Variants in SV2C observed in about 807,000 individuals in gnomAD.
SV2C encodes solute carrier family 22 member B3.
In SV2C, 49 loss-of-function variants were observed where a neutral mutation model predicts 79.7. The observed-to-expected ratio is 0.61, with a 90% CI of 0.49 to 0.78. SV2C has a LOEUF of 0.78. Ranked by LOEUF, SV2C falls within the 30% of genes least tolerant of loss-of-function variation. The probability of loss-of-function intolerance (pLI) is 0.00; values close to 1 mark genes in which losing one functional copy is unlikely to be tolerated. For missense variants in SV2C, 833 were observed against 912.9 expected, an observed-to-expected ratio of 0.91 and a Z score of 1.13; for synonymous variants, 334 against 333.2, an observed-to-expected ratio of 1.00 and a Z score of -0.03.
the SV2C span, among the ~76,000 whole-genome samples, chr5:75,959,574 G>A: frequency 2.6e-5 from 4 of 151,948 alleles, no homozygotes; most frequent in Admixed American, 2.6e-4. Context: ...GCACATGTGT[G>A]CACACATATA....
the SV2C span, among the ~76,000 whole-genome samples, chr5:75,915,232 A>G: frequency 6.7e-3 from 1,021 of 152,282 alleles, 6 homozygotes; most frequent in African/African-American, 0.023. Context: ...CCCTTGCTCA[A>G]GGTCACAACT....
At chr5:75,905,239 G>T in the SV2C span, among the ~76,000 whole-genome samples, 1 of 152,030 alleles carries the variant, frequency 6.6e-6, no homozygotes, top group African/African-American at 2.4e-5. Flanking sequence ...TTTTTCATTT[G>T]CTTCCATCCA....
intron 2 of SV2C, among the ~76,000 whole-genome samples, chr5:76,188,532 T>C (rs978196464): frequency 6.6e-6 from 1 of 152,134 alleles, no homozygotes; most frequent in African/African-American, 2.4e-5. Flanking sequence ...TTCAGAGTGG[T>C]AAATGGTAGT....
At chr5:76,036,998 T>C in the SV2C span, among the ~76,000 whole-genome samples, 2 of 152,242 alleles carry the variant, frequency 1.3e-5, no homozygotes, top group Non-Finnish European at 2.9e-5. Flanking sequence ...ATTCATTTCA[T>C]CTTCCATCAC....
chr5:75,945,327 T>C, the SV2C span, among the ~76,000 whole-genome samples: 5 of 151,572 alleles, frequency 3.3e-5, no homozygotes, highest in African/African-American at 4.8e-5. Flanking sequence ...CTCTCTCTCT[T>C]TTTTTTTGAC....
the SV2C span, among the ~76,000 whole-genome samples, chr5:75,867,170 T>G: frequency 6.6e-6 from 1 of 152,158 alleles, no homozygotes; most frequent in South Asian, 2.1e-4. Flanking sequence ...GAGAGGAGAC[T>G]AAGGATTGGG....
chr5:76,325,756 C>T lies in SV2C; in HGVS notation c.*209C>T, dbSNP rs1329527642. 3.1e-6 allele frequency: 2 copies of T among 637,642 alleles called. No homozygotes were observed. Among genetic ancestry groups the T allele is most frequent in the African/African-American group, 1.9e-5 (1 of 53,964 alleles). The allele number at this position is 637,642 out of a possible 1,614,324, so 39.5% of individuals were successfully genotyped here. A position where few individuals can be genotyped will look rare whatever the true frequency, so the allele number is the denominator to read the frequency against. On this transcript the variant is annotated 3_prime_UTR_variant, in exon 13 of 13. Transcript: ENST00000502798. ...TTGTTTGTTTTGTTTTGTTTGAATGCATTGTTATCTTTCCAAACTGTGATG... is the reference window on the plus strand; with the variant it reads ...TTGTTTGTTTTGTTTTGTTTGAATGTATTGTTATCTTTCCAAACTGTGATG...
the SV2C span, among the ~76,000 whole-genome samples, chr5:76,028,045 T>C: frequency 1.3e-5 from 2 of 152,226 alleles, no homozygotes; most frequent in Admixed American, 6.5e-5. Context: ...ATTCTCCTCT[T>C]TGATACTCTA....
the SV2C span, among the ~76,000 whole-genome samples, chr5:75,942,620 G>A: frequency 2.0e-5 from 3 of 152,226 alleles, no homozygotes; most frequent in East Asian, 1.9e-4. Context: ...AGCTAGACTC[G>A]AATCTGTGTC....
At chr5:75,911,218 T>A in the SV2C span, 5 of 1,579,020 alleles carry the variant, frequency 3.2e-6, no homozygotes, top group Admixed American at 8.4e-5. Flanking sequence ...GGCCCAGCCC[T>A]CTCCTACCAT....
At chr5:75,897,786 C>A in the SV2C span, among the ~76,000 whole-genome samples, 2 of 151,836 alleles carry the variant, frequency 1.3e-5, no homozygotes, top group Non-Finnish European at 2.9e-5. Flanking sequence ...TCCTTCACGT[C>A]CCTTGTAAGT....
In SV2C at chr5:76,188,619, T is replaced by A. The variant is rs201253641; in HGVS notation, c.581-6300T>A. On this transcript the variant is annotated intron_variant, in intron 2 of 12. Transcript: ENST00000502798. ...TTTCCCCCATCTTAACCCCCATTAC[T>A]TTAATAATGGATTCACTTCTCAGCA... Among the ~76,000 whole-genome samples the A allele has an allele frequency of 2.6e-5, 4 of 152,234 alleles. No homozygotes were observed. The East Asian group carries it at 7.7e-4, about 29-fold the overall frequency.
the SV2C span, among the ~76,000 whole-genome samples, chr5:76,036,162 G>A: frequency 6.6e-6 from 1 of 151,838 alleles, no homozygotes; most frequent in Non-Finnish European, 1.5e-5. Flanking sequence ...TGGGTTTCCT[G>A]AATACAGCAC....
the SV2C span, among the ~76,000 whole-genome samples, chr5:76,043,680 G>A: frequency 2.0e-5 from 3 of 152,152 alleles, no homozygotes; most frequent in Non-Finnish European, 4.4e-5. Context: ...GAAGCCAAGT[G>A]CCACAGAGTG....
the SV2C span, among the ~76,000 whole-genome samples, chr5:75,881,906 C>T: frequency 2.2e-4 from 33 of 146,772 alleles, no homozygotes; most frequent in Non-Finnish European, 4.3e-4. Flanking sequence ...CCAGTTTTTG[C>T]CCATTCAGTA....
the SV2C span, among the ~76,000 whole-genome samples, chr5:75,906,633 GTC>G: frequency 2.0e-5 from 3 of 152,068 alleles, no homozygotes; most frequent in Non-Finnish European, 4.4e-5. Context: ...ATATTATTAG[GTC>G]TCTTTCTCCA....
chr5:75,965,500 ACT>A, the SV2C span, among the ~76,000 whole-genome samples: 2 of 150,660 alleles, frequency 1.3e-5, no homozygotes, highest in Non-Finnish European at 2.9e-5. Context: ...GTGAAAAGAC[ACT>A]CTCTCTTAAC....
chr5:76,073,718 A>G, the SV2C span, among the ~76,000 whole-genome samples: 1 of 151,594 alleles, frequency 6.6e-6, no homozygotes, highest in East Asian at 1.9e-4. Context: ...AAGGCATAAG[A>G]ATGATACAAT....
chr5:76,021,337 T>C, the SV2C span, among the ~76,000 whole-genome samples: 3 of 152,226 alleles, frequency 2.0e-5, no homozygotes, highest in Non-Finnish European at 4.4e-5. Flanking sequence ...ATTATATAAA[T>C]TTAAAGCAAC....
Sources: gnomAD v4.1 joint callset for allele counts (sites outside exome capture counted in the v4.1 genomes callset) on GRCh38, gnomAD v4.1.1 for gene constraint, MANE v1.5 for transcripts, NCBI Gene and HGNC (gene_info 2026-07-23, HGNC 2026-07-21) for gene names.